CR1L: variants seen among roughly 807,000 people sequenced by gnomAD.
CR1L encodes complement C3b/C4b receptor 1 like.
Under a neutral mutation model 62.3 loss-of-function variants are expected in CR1L, and 59 were observed. The ratio of observed to expected loss-of-function variants is 0.95; its 90% confidence interval spans 0.77 to 1.18. The LOEUF (loss-of-function observed/expected upper bound fraction) is 1.18, where lower values mean the gene tolerates loss of function less well. CR1L is among the 50% of genes most tolerant of loss of function. CR1L has a pLI of 0.00. For missense variants in CR1L, 700 were observed against 702.8 expected, an observed-to-expected ratio of 1.00 and a Z score of 0.04; for synonymous variants, 279 against 248.7, an observed-to-expected ratio of 1.12 and a Z score of -1.15.
At chr1:207,656,036 A>T (rs993639674) in intron 1 of CR1L, among the ~76,000 whole-genome samples, 2 of 152,186 alleles carry the variant, frequency 1.3e-5, no homozygotes, top group Non-Finnish European at 2.9e-5. Context: ...CAGGAGATCC[A>T]GACCATCCTG....
chr1:207,659,466 T>G (rs58771335), intron 1 of CR1L, among the ~76,000 whole-genome samples: 4,267 of 152,342 alleles, frequency 0.028, 205 homozygotes, highest in African/African-American at 0.096. Context: ...TTTAGGTAGT[T>G]GAATTTTTTA....
intron 3 of CR1L, among the ~76,000 whole-genome samples, chr1:207,681,258 C>T (rs1206497659): frequency 6.6e-6 from 1 of 152,182 alleles, no homozygotes; most frequent in Non-Finnish European, 1.5e-5. Context: ...CACCCACATC[C>T]TGTATGTGGT....
chr1:207,675,473 G>A (rs1663676191), intron 1 of CR1L, among the ~76,000 whole-genome samples: 1 of 152,192 alleles, frequency 6.6e-6, no homozygotes, highest in South Asian at 2.1e-4. Context: ...CACACAAAAG[G>A]AATGTCATAG....
At chr1:207,656,200 T>G (rs1460969223) in intron 1 of CR1L, among the ~76,000 whole-genome samples, 1 of 152,190 alleles carries the variant, frequency 6.6e-6, no homozygotes, top group Admixed American at 6.5e-5. Flanking sequence ...ATCGCGCCAC[T>G]GCACTCCAGC....
At chr1:207,702,903 T>C (rs192844674) in intron 9 of CR1L, among the ~76,000 whole-genome samples, 3 of 152,276 alleles carry the variant, frequency 2.0e-5, no homozygotes, top group East Asian at 1.9e-4. Context: ...ACCAATATGG[T>C]GAAACCTCAT....
chr1:207,675,442 A>G (rs1558015628), intron 1 of CR1L, among the ~76,000 whole-genome samples: 1 of 152,228 alleles, frequency 6.6e-6, no homozygotes, highest in Non-Finnish European at 1.5e-5. Context: ...AATTGAAGTC[A>G]TAGCCAAGAT....
intron 1 of CR1L, among the ~76,000 whole-genome samples, chr1:207,660,381 G>C (rs980621925): frequency 2.6e-5 from 4 of 152,208 alleles, no homozygotes; most frequent in African/African-American, 4.8e-5. Context: ...TGATACCCAC[G>C]CAAACAAGGT....
chr1:207,706,087 G>C (rs992939763), intron 9 of CR1L, among the ~76,000 whole-genome samples: 3 of 148,782 alleles, frequency 2.0e-5, no homozygotes, highest in African/African-American at 4.9e-5. Context: ...AGAGTAAGAA[G>C]AGTTAACCAA....
At chr1:207,690,309 A>G (rs1319119250) in intron 4 of CR1L, among the ~76,000 whole-genome samples, 1 of 152,090 alleles carries the variant, frequency 6.6e-6, no homozygotes, top group East Asian at 1.9e-4. Flanking sequence ...AAGTTTTCTA[A>G]TTTACCTTTT....
intron 2 of CR1L, among the ~76,000 whole-genome samples, chr1:207,677,801 C>G (rs917758762): frequency 3.9e-5 from 6 of 152,120 alleles, no homozygotes; most frequent in Non-Finnish European, 5.9e-5. Context: ...GAGGGAAAAC[C>G]CCCATTCACT....
At chr1:207,688,379 C>T (rs11583249) in intron 4 of CR1L, among the ~76,000 whole-genome samples, 5,845 of 152,198 alleles carry the variant, frequency 0.038, 181 homozygotes, top group South Asian at 0.12. Context: ...TTCTGTTCCA[C>T]TGGTTTATTT....
chr1:207,648,372 G>A (rs1663168807), intron 1 of CR1L, among the ~76,000 whole-genome samples: 1 of 151,884 alleles, frequency 6.6e-6, no homozygotes, highest in African/African-American at 2.4e-5. Flanking sequence ...GTTTGAGGTT[G>A]ATAGGGTTAA....
intron 4 of CR1L, among the ~76,000 whole-genome samples, chr1:207,689,517 T>C (rs370301565): frequency 1.3e-5 from 2 of 152,282 alleles, no homozygotes; most frequent in South Asian, 4.1e-4. Flanking sequence ...TTTCATAATA[T>C]TTTGTTTAGA....
At chr1:207,699,498 A>T (rs1664159449) in intron 8 of CR1L, among the ~76,000 whole-genome samples, 1 of 152,230 alleles carries the variant, frequency 6.6e-6, no homozygotes, top group Non-Finnish European at 1.5e-5. Context: ...CTATTGCGAT[A>T]AATCCTATGG....
chr1:207,693,640 A>G (rs1664028126), intron 4 of CR1L, among the ~76,000 whole-genome samples: 1 of 152,178 alleles, frequency 6.6e-6, no homozygotes, highest in African/African-American at 2.4e-5. Flanking sequence ...ATGTTATTAT[A>G]TCAAACTTAG....
At chr1:207,666,800 T>C (rs1663530867) in intron 1 of CR1L, among the ~76,000 whole-genome samples, 1 of 152,196 alleles carries the variant, frequency 6.6e-6, no homozygotes, top group Admixed American at 6.5e-5. Context: ...CAAACCCCCA[T>C]GACACAAGTT....
intron 4 of CR1L, among the ~76,000 whole-genome samples, chr1:207,686,307 A>G (rs1391709812): frequency 6.6e-6 from 1 of 151,420 alleles, no homozygotes; most frequent in Non-Finnish European, 1.5e-5. Context: ...TCCACATCTC[A>G]AAGGGAAGGA....
At chr1:207,697,734 A>T in intron 6 of CR1L, 37 bp from the exon 7 acceptor site, 1 of 1,613,962 alleles carries the variant, frequency 6.2e-7, no homozygotes, top group Non-Finnish European at 8.5e-7. Context: ...TATTCTCCAC[A>T]TGCCAGTTAT....
At chr1:207,668,096 G>A (rs1356094262) in intron 1 of CR1L, among the ~76,000 whole-genome samples, 1 of 150,986 alleles carries the variant, frequency 6.6e-6, no homozygotes, top group African/African-American at 2.5e-5. Context: ...GGCCATTATG[G>A]GAAATAGTAT....
Sources: allele counts gnomAD v4.1 joint callset (sites outside exome capture counted in the v4.1 genomes callset), GRCh38; gene constraint gnomAD v4.1.1; transcripts MANE v1.5; gene names NCBI Gene and HGNC (gene_info 2026-07-23, HGNC 2026-07-21).